Variants in NEDD4L observed in about 807,000 individuals in gnomAD.
NEDD4L encodes NEDD4 like E3 ubiquitin protein ligase.
In NEDD4L, 54 loss-of-function variants were observed where a neutral mutation model predicts 148.9. The ratio of observed to expected loss-of-function variants is 0.36; its 90% CI spans 0.29 to 0.45. The LOEUF is 0.45. Among genes scored for constraint, NEDD4L ranks in the 20% least tolerant of loss-of-function variants. NEDD4L has a pLI of 1.00. For synonymous variants in NEDD4L, 433 were observed against 440.7 expected (o/e 0.98, Z 0.22); for missense variants, 856 against 1,233.8 (o/e 0.69, Z 4.59).
intron 16 of NEDD4L, among the ~76,000 whole-genome samples, chr18:58,346,504 T>C (rs1010978723): frequency 6.6e-6 from 1 of 152,216 alleles, no homozygotes; most frequent in Non-Finnish European, 1.5e-5. Context: ...CCTAGTTAAG[T>C]TGCAGGTTTG....
At chr18:58,224,023 C>T (rs922508932) in intron 2 of NEDD4L, among the ~76,000 whole-genome samples, 10 of 152,206 alleles carry the variant, frequency 6.6e-5, no homozygotes, top group Admixed American at 5.2e-4. Context: ...ACAGGGAGGA[C>T]TTGGGCGCTT....
At chr18:58,332,662 C>A (rs1405006662) in intron 11 of NEDD4L, among the ~76,000 whole-genome samples, 2 of 152,016 alleles carry the variant, frequency 1.3e-5, no homozygotes, top group Admixed American at 6.5e-5. Context: ...CTGATTCTTT[C>A]ACAGTAACCA....
At chr18:58,368,594 T>C (rs1376135074) in intron 22 of NEDD4L, among the ~76,000 whole-genome samples, 1 of 152,212 alleles carries the variant, frequency 6.6e-6, no homozygotes, top group African/African-American at 2.4e-5. Flanking sequence ...AGATTGACAT[T>C]GCAGTAACTT....
chr18:58,318,080 T>TA (rs1300802833), intron 6 of NEDD4L, among the ~76,000 whole-genome samples: 16 of 152,214 alleles, frequency 1.1e-4, no homozygotes, highest in Non-Finnish European at 8.8e-5. Flanking sequence ...ATGGGGAAAT[T>TA]ACAGTGGCAT....
intron 6 of NEDD4L, among the ~76,000 whole-genome samples, chr18:58,321,486 A>G (rs1171774004): frequency 1.3e-5 from 2 of 152,260 alleles, no homozygotes; most frequent in African/African-American, 2.4e-5. Context: ...AGTTGATTCA[A>G]GGCCAGATTA....
At position 58,272,320 on chromosome 18, in the gene NEDD4L, T is replaced by C. The variant is rs76775854; in HGVS notation, c.297+20266T>C. On this transcript the variant is annotated intron_variant, in intron 5 of 30. Coordinates refer to ENST00000400345, the MANE Select transcript of NEDD4L (RefSeq NM_001144967.3). The stretch of plus-strand genomic sequence containing the variant: ...ATTAAGTAATAGCTGTTCAGTGATA[T>C]TGATGGAAGGAAATTAATATTATTT... 7.8e-3 allele frequency among the ~76,000 whole-genome samples: 1,184 copies of C among 152,250 alleles called. 7 individuals are homozygous for C. The highest frequency in any genetic ancestry group is 0.029 in the South Asian group (138 of 4,814).
At chr18:58,078,988 A>G (rs2083304692) in intron 1 of NEDD4L, among the ~76,000 whole-genome samples, 1 of 152,176 alleles carries the variant, frequency 6.6e-6, no homozygotes, top group Non-Finnish European at 1.5e-5. Context: ...AAATGAGACT[A>G]TGAACGGGAG....
intron 2 of NEDD4L, among the ~76,000 whole-genome samples, chr18:58,199,680 C>T (rs927988846): frequency 6.6e-6 from 1 of 152,208 alleles, no homozygotes; most frequent in Non-Finnish European, 1.5e-5. Context: ...TCTGGTATTT[C>T]ATCCAACATC....
chr18:58,344,261 A>G (rs2042782445), intron 16 of NEDD4L, among the ~76,000 whole-genome samples: 1 of 152,306 alleles, frequency 6.6e-6, no homozygotes, highest in South Asian at 2.1e-4. Flanking sequence ...ATTGTGTGGT[A>G]TCAGTTCAGT....
At chr18:58,381,335 G>C (rs1030870967) in intron 24 of NEDD4L, among the ~76,000 whole-genome samples, 1 of 152,184 alleles carries the variant, frequency 6.6e-6, no homozygotes, top group African/African-American at 2.4e-5. Flanking sequence ...GGAGGAAGCA[G>C]AGTGTTTTCC....
At chr18:58,085,743 C>T (rs1328390861) in intron 1 of NEDD4L, among the ~76,000 whole-genome samples, 2 of 152,156 alleles carry the variant, frequency 1.3e-5, no homozygotes, top group Non-Finnish European at 2.9e-5. Context: ...TTTCATAGCT[C>T]ACTTCCAAAC....
intron 8 of NEDD4L, among the ~76,000 whole-genome samples, chr18:58,324,016 G>C (rs982551500): frequency 2.0e-5 from 3 of 152,172 alleles, no homozygotes; most frequent in Non-Finnish European, 4.4e-5. Flanking sequence ...GCATATATGT[G>C]ATATGTGAAT....
rs753674370 is a variant in NEDD4L at position 58,044,699 on chromosome 18, C to T, written c.39C>T (p.Ser13=). 10 of 1,608,208 alleles carry T rather than the reference C, an allele frequency of 6.2e-6. No homozygotes were observed. Among genetic ancestry groups the T allele is most frequent in the Middle Eastern group, 1.6e-4 (1 of 6,064 alleles). The stretch of plus-strand genomic sequence containing the variant: ...TCGGGGAGCCGGTCTATGGACTTTC[C>T]GAAGACGAGGTGAGTGGCACCCCCT... ...TGLGEPVYGL[S]EDEGESRILR... is the part of the protein sequence containing the mutation. The change falls in exon 1 of 31, where the codon TCC becomes TCT. Residue 13 remains serine, a synonymous_variant. Transcript: ENST00000400345.
chr18:58,261,736 T>G (rs2049411465), intron 5 of NEDD4L, among the ~76,000 whole-genome samples: 2 of 152,230 alleles, frequency 1.3e-5, no homozygotes, highest in Admixed American at 1.3e-4. Context: ...TTGAGGCGAA[T>G]CTAAATGGTA....
intron 2 of NEDD4L, among the ~76,000 whole-genome samples, chr18:58,172,891 A>G (rs1012132656): frequency 2.0e-5 from 3 of 152,208 alleles, no homozygotes; most frequent in Non-Finnish European, 4.4e-5. Flanking sequence ...AAGTTTGAGA[A>G]TTAGGGTTCC....
At chr18:58,265,816 G>A (rs2050137668) in intron 5 of NEDD4L, among the ~76,000 whole-genome samples, 1 of 152,016 alleles carries the variant, frequency 6.6e-6, no homozygotes, top group Non-Finnish European at 1.5e-5. Context: ...CTCCTGCCTT[G>A]GCCTCCCAAA....
intron 5 of NEDD4L, among the ~76,000 whole-genome samples, chr18:58,276,095 A>G (rs1041996997): frequency 2.6e-5 from 4 of 152,014 alleles, no homozygotes; most frequent in Non-Finnish European, 2.9e-5. Flanking sequence ...AAATATTACT[A>G]CTGGTTTCAT....
chr18:58,121,508 G>A (rs2029887656), intron 1 of NEDD4L, among the ~76,000 whole-genome samples: 1 of 151,504 alleles, frequency 6.6e-6, no homozygotes, highest in Non-Finnish European at 1.5e-5. Flanking sequence ...AGGCTCAAGC[G>A]CTCCTTCCAC....
At chr18:58,141,359 T>G (rs571552638) in intron 1 of NEDD4L, among the ~76,000 whole-genome samples, 1 of 152,336 alleles carries the variant, frequency 6.6e-6, no homozygotes, top group Non-Finnish European at 1.5e-5. Context: ...ATATGGTTTG[T>G]TAGGATGACA....
Sources: allele counts gnomAD v4.1 joint callset (sites outside exome capture counted in the v4.1 genomes callset), GRCh38; gene constraint gnomAD v4.1.1; transcripts MANE v1.5; gene names NCBI Gene and HGNC (gene_info 2026-07-23, HGNC 2026-07-21).